Variants in NRG1 observed in about 807,000 individuals in gnomAD.
NRG1 encodes the protein neuregulin 1.
NRG1 carries 18 observed loss-of-function variants against 63.8 expected under a neutral mutation model. The observed-to-expected ratio is 0.28, with a 90% CI of 0.19 to 0.42. NRG1 has a LOEUF of 0.42. NRG1 is among the 10% of genes least tolerant of loss of function. The pLI, the probability that NRG1 is intolerant of heterozygous loss-of-function variation, is 1.00. For missense variants in NRG1, 762 were observed against 814.7 expected (o/e 0.94, Z 0.79); for synonymous variants, 302 against 301.3 (o/e 1.00, Z -0.02).
At chr8:31,717,501 T>C (rs1812477759) in intron 1 of NRG1, among the ~76,000 whole-genome samples, 1 of 151,548 alleles carries the variant, frequency 6.6e-6, no homozygotes. Flanking sequence ...TAGGAGGACA[T>C]GTAGGAAGGG....
intron 1 of NRG1, among the ~76,000 whole-genome samples, chr8:32,504,251 C>G (rs1422398865): frequency 6.6e-6 from 1 of 152,116 alleles, no homozygotes; most frequent in African/African-American, 2.4e-5. Context: ...GACTGCCTGT[C>G]CATCACCTGA....
At chr8:31,742,322 G>C (rs1458551939) in intron 1 of NRG1, among the ~76,000 whole-genome samples, 1 of 151,734 alleles carries the variant, frequency 6.6e-6, no homozygotes, top group African/African-American at 2.4e-5. Context: ...TCTGATAGTA[G>C]AAAGATATTT....
intron 3 of NRG1, among the ~76,000 whole-genome samples, chr8:32,610,537 T>C (rs1216390345): frequency 6.6e-6 from 1 of 152,288 alleles, no homozygotes; most frequent in South Asian, 2.1e-4. Context: ...ACGAAATGAT[T>C]AAAAAATTAG....
At chr8:32,202,958 C>A (rs555148851) in intron 1 of NRG1, among the ~76,000 whole-genome samples, 1 of 151,738 alleles carries the variant, frequency 6.6e-6, no homozygotes, top group Non-Finnish European at 1.5e-5. Flanking sequence ...GAGGGTGGAA[C>A]CCTCGCCAGG....
intron 1 of NRG1, among the ~76,000 whole-genome samples, chr8:32,514,453 A>G (rs1829580010): frequency 1.3e-5 from 2 of 152,168 alleles, no homozygotes; most frequent in African/African-American, 4.8e-5. Flanking sequence ...TTCAATTTAT[A>G]TGATGCATGT....
chr8:31,850,860 C>G (rs1312545779), intron 1 of NRG1, among the ~76,000 whole-genome samples: 1 of 152,208 alleles, frequency 6.6e-6, no homozygotes, highest in Non-Finnish European at 1.5e-5. Context: ...CATGCTACTA[C>G]AATGAAATGG....
At chr8:32,511,430 G>A (rs1829214438) in intron 1 of NRG1, among the ~76,000 whole-genome samples, 1 of 143,238 alleles carries the variant, frequency 7.0e-6, no homozygotes, top group African/African-American at 2.6e-5. Flanking sequence ...GCTGCTTATA[G>A]CCCTGAATCC....
intron 1 of NRG1, among the ~76,000 whole-genome samples, chr8:32,355,122 A>G (rs1008648915): frequency 1.3e-5 from 2 of 152,140 alleles, no homozygotes; most frequent in Non-Finnish European, 2.9e-5. Context: ...TAATTTGATA[A>G]TTTTTTTAGA....
upstream of NRG1, among the ~76,000 whole-genome samples, chr8:32,545,803 A>G (rs1443844916): frequency 6.6e-6 from 1 of 152,216 alleles, no homozygotes; most frequent in African/African-American, 2.4e-5. Context: ...ATTCAGCTAC[A>G]AGTGATAACT....
At chr8:32,735,959 T>C (rs1215195544) in intron 6 of NRG1, among the ~76,000 whole-genome samples, 2 of 152,002 alleles carry the variant, frequency 1.3e-5, no homozygotes, top group African/African-American at 4.8e-5. Flanking sequence ...GTGTGGCCAC[T>C]CTATGTATCC....
At chr8:32,394,433 C>T (rs1812181918) in intron 1 of NRG1, among the ~76,000 whole-genome samples, 1 of 152,170 alleles carries the variant, frequency 6.6e-6, no homozygotes, top group Admixed American at 6.5e-5. Context: ...AACCTTTAGT[C>T]CCTTGAAACA....
At chr8:32,464,607 C>A (rs1822823928) in intron 1 of NRG1, among the ~76,000 whole-genome samples, 1 of 152,110 alleles carries the variant, frequency 6.6e-6, no homozygotes, top group African/African-American at 2.4e-5. Flanking sequence ...TGAAGGGGTT[C>A]TGTCACTAAC....
At position 32,523,870 on chromosome 8, in the gene NRG1, A is replaced by C. The variant is rs73234121; in HGVS notation, c.38-71958A>C. ...AATAACTAACTAACTAACTAACTAA[A>C]TAAATAAATAAAAATAGGAGTTGCA... On this transcript the variant is annotated intron_variant, in intron 1 of 10. Transcript: ENST00000519301. 5.4e-3 allele frequency among the ~76,000 whole-genome samples: 827 copies of C among 152,184 alleles called. 4 individuals carry two copies. The highest frequency in any genetic ancestry group is 9.6e-3 in the Non-Finnish European group (655 of 67,978).
rs1824546411 is a variant in NRG1, at chr8:32,476,570, G to GT, written c.38-119255dup. ...TCTCTTTTCTTTCAAGCTCCAGAGG[G>GT]TTTATAAGACATTTCCATGTTCAAT... On this transcript the variant is annotated intron_variant, in intron 1 of 10. Coordinates refer to the NRG1 transcript ENST00000519301. Among the ~76,000 whole-genome samples the GT allele has an allele frequency of 3.3e-5, 5 of 152,126 alleles. No homozygotes were observed. In the South Asian group the frequency reaches 1.0e-3, roughly 32 times the overall value.
intron 1 of NRG1, among the ~76,000 whole-genome samples, chr8:32,583,076 A>G (rs1205835942): frequency 6.6e-6 from 1 of 152,038 alleles, no homozygotes; most frequent in Non-Finnish European, 1.5e-5. Context: ...CTCAAGAATG[A>G]CCAAAAGTAT....
At chr8:32,444,002 T>G (rs1819910254) in intron 1 of NRG1, among the ~76,000 whole-genome samples, 1 of 151,728 alleles carries the variant, frequency 6.6e-6, no homozygotes, top group African/African-American at 2.4e-5. Flanking sequence ...TCCTTTTTCC[T>G]TCCTTCCTTT....
chr8:32,186,810 A>G (rs1164020489), intron 1 of NRG1, among the ~76,000 whole-genome samples: 1 of 152,204 alleles, frequency 6.6e-6, no homozygotes, highest in Non-Finnish European at 1.5e-5. Flanking sequence ...CTGACTTAGC[A>G]CAGTTTCTGC....
intron 1 of NRG1, among the ~76,000 whole-genome samples, chr8:32,579,288 T>C (rs1258032062): frequency 6.6e-6 from 1 of 151,040 alleles, no homozygotes; most frequent in Non-Finnish European, 1.5e-5. Context: ...TCGGTAACTC[T>C]CTGCTCGTGG....
At chr8:32,002,630 A>T (rs1354774044) in intron 1 of NRG1, among the ~76,000 whole-genome samples, 1 of 152,014 alleles carries the variant, frequency 6.6e-6, no homozygotes, top group African/African-American at 2.4e-5. Context: ...TCAAGGAGCT[A>T]TGACTCTTTT....
Sources: gnomAD v4.1 joint callset for allele counts (sites outside exome capture counted in the v4.1 genomes callset) on GRCh38, gnomAD v4.1.1 for gene constraint, MANE v1.5 for transcripts, NCBI Gene and HGNC (gene_info 2026-07-23, HGNC 2026-07-21) for gene names.